SF3B1: variants seen among roughly 807,000 people sequenced by gnomAD.
SF3B1 encodes the protein splicing factor 3b subunit 1, also known as pre-mRNA processing 10.
SF3B1 carries 12 observed loss-of-function variants against 153.8 expected under a neutral mutation model. The observed-to-expected ratio is 0.08, with a 90% CI of 0.05 to 0.13. The LOEUF is 0.13. SF3B1 is among the 10% of genes least tolerant of loss of function. The pLI is 1.00. For missense variants in SF3B1, 513 were observed against 1,606.1 expected (o/e 0.32, Z 11.63); for synonymous variants, 498 against 525.2 (o/e 0.95, Z 0.71).
chr2:197,403,824 C>A, intron 11 of SF3B1, 60 bp from the exon 12 acceptor site: 1 of 1,214,980 alleles, frequency 8.2e-7, no homozygotes, highest in South Asian at 1.5e-5. Context: ...TTTGAATGAG[C>A]AAATTACTCA....
chr2:197,403,505 GA>G, intron 12 of SF3B1, 79 bp downstream of exon 12: 1 of 893,100 alleles, frequency 1.1e-6, no homozygotes, highest in Non-Finnish European at 1.7e-6. Context: ...AAAGGTCTAG[GA>G]GAATATGTAA....
chr2:197,394,928 T>G, intron 23 of SF3B1, among the ~76,000 whole-genome samples: 1 of 152,002 alleles, frequency 6.6e-6, no homozygotes, highest in South Asian at 2.1e-4. Flanking sequence ...GTTTCCACAC[T>G]TTGCTCCAAA....
chr2:197,395,312 G>A (rs190018564), intron 23 of SF3B1, among the ~76,000 whole-genome samples: 2 of 152,212 alleles, frequency 1.3e-5, no homozygotes, highest in Middle Eastern at 3.4e-3. Context: ...GCATATATAC[G>A]TTCTGGTAAC....
chr2:197,407,839 T>A, intron 9 of SF3B1, 159 bp downstream of exon 9: 1 of 590,194 alleles, frequency 1.7e-6, no homozygotes, highest in South Asian at 2.2e-5. Flanking sequence ...TCATTTCTTT[T>A]CATCTCTATA....
Position 197,403,630 on chromosome 2 carries a change from C to T in SF3B1, c.1674G>A (p.Arg558=). 1.3e-6 allele frequency: 2 copies of T among 1,593,298 alleles called. No individual in the cohort carries two copies. Among genetic ancestry groups the T allele is most frequent in the Non-Finnish European group, 1.7e-6 (2 of 1,173,724 alleles). The change falls in exon 12 of 25, where the codon AGG becomes AGA. Residue 558 remains arginine (R), a synonymous_variant. Coordinates refer to ENST00000335508, the MANE Select transcript of SF3B1 (RefSeq NM_012433.4). ...CTAAGTCATCAAGTTTGTACAGTAT[C>T]CTATCAATAACTTTCACAAGTAAAT... ...ERHLLVKVID[R]ILYKLDDLVR...
At chr2:197,408,253 G>A in intron 8 of SF3B1, 116 bp downstream of exon 8, 1 of 1,263,782 alleles carries the variant, frequency 7.9e-7, no homozygotes, top group Non-Finnish European at 1.1e-6. Flanking sequence ...ACTTAAATTT[G>A]TATATCTCCT....
chr2:197,430,518 G>A (rs749965489), intron 1 of SF3B1, among the ~76,000 whole-genome samples: 21 of 152,156 alleles, frequency 1.4e-4, no homozygotes, highest in Non-Finnish European at 2.5e-4. Flanking sequence ...GCAGTGGCAC[G>A]ATCTCGGCTC....
chr2:197,407,361 T>G (rs774040375), intron 9 of SF3B1, among the ~76,000 whole-genome samples: 1 of 152,012 alleles, frequency 6.6e-6, no homozygotes, highest in Non-Finnish European at 1.5e-5. Flanking sequence ...TCCCAGCACT[T>G]TGGGAGGCTG....
At position 197,407,148 on chromosome 2, in the gene SF3B1, AC is replaced by A. The variant is rs202210847; in HGVS notation, c.1239+849del. Among the ~76,000 whole-genome samples, 197 of 152,302 alleles carry A rather than the reference AC, an allele frequency of 1.3e-3. 5 individuals carry two copies. In the East Asian group the frequency reaches 0.033, roughly 25 times the overall value. On this transcript the variant is annotated intron_variant, in intron 9 of 24. Coordinates refer to ENST00000335508, the MANE Select transcript of SF3B1 (RefSeq NM_012433.4). ...AACTGTTAAAAATCAATAGTCATTA[AC>A]AGAAAAAGCTCTGTAAAGGCCATCA... is the stretch of plus-strand genomic sequence containing the variant.
chr2:197,428,772 G>A (rs943362149), intron 1 of SF3B1, among the ~76,000 whole-genome samples: 2 of 152,132 alleles, frequency 1.3e-5, no homozygotes, highest in East Asian at 3.9e-4. Context: ...TGGCACGCCT[G>A]TAATCCCAGC....
At chr2:197,408,284 A>T (rs897868084) in intron 8 of SF3B1, 85 bp downstream of exon 8, 17 of 1,376,622 alleles carry the variant, frequency 1.2e-5, no homozygotes, top group Admixed American at 4.1e-5. Flanking sequence ...AGAAGTTGAC[A>T]TTAATAGTAC....
At chr2:197,425,728 G>C (rs1008280109) in intron 1 of SF3B1, among the ~76,000 whole-genome samples, 2 of 151,906 alleles carry the variant, frequency 1.3e-5, no homozygotes, top group Admixed American at 6.6e-5. Flanking sequence ...AGGCAGACGC[G>C]GTAGCTCACG....
Position 197,408,577 on chromosome 2 carries a change from A to G in SF3B1, c.909T>C (p.Thr303=), listed in dbSNP as rs368182281. 1 of 1,608,782 alleles carries G rather than the reference A, an allele frequency of 6.2e-7. No homozygotes were observed. Among genetic ancestry groups the G allele is most frequent in the Non-Finnish European group, 8.5e-7 (1 of 1,176,736 alleles). Residue 303 remains threonine (T), a synonymous_variant, in exon 8 of 25, where the codon ACT becomes ACC. Coordinates refer to ENST00000335508, the MANE Select transcript of SF3B1 (RefSeq NM_012433.4). ...WDETPKTERD[T]PGHGSGWAET... ...CAGCCCATCCACTTCCATGCCCAGG[A>G]GTATCTTTAAAAAGAAAGAGTGAGT...
In SF3B1 at chr2:197,429,894, G is replaced by A. The variant is rs78801226; in HGVS notation, c.28+5078C>T. Among the ~76,000 whole-genome samples the A allele has an allele frequency of 5.4e-3, 823 of 152,186 alleles. 6 individuals carry two copies. The highest frequency in any genetic ancestry group is 0.018 in the African/African-American group (755 of 41,522). On this transcript the variant is annotated intron_variant, in intron 1 of 24. Coordinates refer to ENST00000335508, the MANE Select transcript of SF3B1 (RefSeq NM_012433.4). ...CAATAATTTTCTGGGTGCTTCCATT[G>A]CTTGTAGGCCCCCTAACATCTTGAT...
intron 3 of SF3B1, 51 bp from the exon 4 acceptor site, chr2:197,420,593 CAG>C (rs2085224643): frequency 1.6e-6 from 2 of 1,242,702 alleles, no homozygotes; most frequent in Non-Finnish European, 2.3e-6. Context: ...AATAACAAAA[CAG>C]AATATCATAA....
intron 12 of SF3B1, 58 bp downstream of exon 12, chr2:197,403,527 G>A: frequency 8.7e-7 from 1 of 1,143,544 alleles, no homozygotes. Flanking sequence ...ATTTAACATT[G>A]ATTAACTGAA....
intron 1 of SF3B1, among the ~76,000 whole-genome samples, chr2:197,434,228 C>T (rs1559283288): frequency 6.6e-6 from 1 of 152,188 alleles, no homozygotes; most frequent in Non-Finnish European, 1.5e-5. Flanking sequence ...TTTCTGTCAT[C>T]TCTGGATACT....
At chr2:197,426,167 C>G (rs896008614) in intron 1 of SF3B1, among the ~76,000 whole-genome samples, 6 of 151,982 alleles carry the variant, frequency 3.9e-5, no homozygotes, top group Admixed American at 2.0e-4. Context: ...CCCAGGCAGC[C>G]AGAAATATCC....
Position 197,432,730 on chromosome 2 carries a change from G to A in SF3B1, c.28+2242C>T, listed in dbSNP as rs543597562. Among the ~76,000 whole-genome samples the A allele has an allele frequency of 4.3e-4, 66 of 152,292 alleles. No homozygotes were observed. In the South Asian group the frequency reaches 0.013, roughly 31 times the overall value. Reference sequence around the variant, plus strand: ...AAAAATACAAAAATTAGTCGGGTGTGGTGGCACATGCCTGCGATACTAGTA... The same window carrying A: ...AAAAATACAAAAATTAGTCGGGTGTAGTGGCACATGCCTGCGATACTAGTA... On this transcript the variant is annotated intron_variant, in intron 1 of 24. Coordinates refer to ENST00000335508, the MANE Select transcript of SF3B1 (RefSeq NM_012433.4).
Sources: allele counts gnomAD v4.1 joint callset (sites outside exome capture counted in the v4.1 genomes callset), GRCh38; gene constraint gnomAD v4.1.1; transcripts MANE v1.5; gene names NCBI Gene and HGNC (gene_info 2026-07-23, HGNC 2026-07-21).